NEB: variants seen among roughly 807,000 people sequenced by gnomAD.
NEB encodes the protein nebulin.
NEB carries 512 observed loss-of-function variants against 952.2 expected under a neutral mutation model. That is an observed-to-expected ratio of 0.54 (90% CI 0.50 to 0.58). NEB has a LOEUF of 0.58. Among genes scored for constraint, NEB ranks in the 20% least tolerant of loss-of-function variants. The pLI is 0.00. For missense variants in NEB, 8,428 were observed against 9,231.1 expected, an observed-to-expected ratio of 0.91 and a Z score of 3.56; for synonymous variants, 2,900 against 3,149.8, an observed-to-expected ratio of 0.92 and a Z score of 2.66.
rs1288870299 is a variant in NEB, at chr2:151,679,935, C to CATT, written c.3127_3129dup (p.Asn1043dup). 8 of 1,613,238 alleles carry CATT rather than the reference C, an allele frequency of 5.0e-6. No individual in the cohort carries two copies. The Admixed American group carries it at 6.7e-5, about 13-fold the overall frequency. On this transcript the variant is annotated inframe_insertion, in exon 31 of 182. Transcript: ENST00000397345. Reference sequence around the variant, plus strand: ...CCACGCACCTCACTGATATTGTAGGCATTAACTTTAGCCTGGATGAACTGG... The same window carrying CATT: ...CCACGCACCTCACTGATATTGTAGGCATTATTAACTTTAGCCTGGATGAACTGG...
intron 107 of NEB, among the ~76,000 whole-genome samples, chr2:151,574,846 C>T (rs1201490580): frequency 6.6e-6 from 1 of 152,128 alleles, no homozygotes; most frequent in Non-Finnish European, 1.5e-5. Context: ...ATCCTCCCAC[C>T]TGAGCCTCCC....
intron 161 of NEB, 26 bp from the exon 162 acceptor site, chr2:151,508,135 G>A: frequency 6.6e-7 from 1 of 1,515,652 alleles, no homozygotes; most frequent in Non-Finnish European, 9.1e-7. Flanking sequence ...AAGAAATAAG[G>A]AGGGTAAACA....
In NEB at chr2:151,592,030, T is replaced by G. The variant is rs1431664061; in HGVS notation, c.14826+4A>C. The stretch of plus-strand genomic sequence containing the variant: ...TGAAAAGCAAATGATGTGCGCTGTC[T>G]TACATTGCTGATCTGCAGAGCATTG... On this transcript the variant is annotated splice_donor_region_variant and intron_variant, in intron 95 of 181. Coordinates refer to ENST00000397345, the MANE Select transcript of NEB (RefSeq NM_001164508.2). The G allele has an allele frequency of 6.5e-7, 1 of 1,549,544 alleles. No homozygotes were observed. The highest frequency in any genetic ancestry group is 8.7e-7 in the Non-Finnish European group (1 of 1,146,838).
Position 151,692,078 on chromosome 2 carries a change from A to G in NEB, c.2087T>C (p.Val696Ala), listed in dbSNP as rs558439149. ...EDPYHTHCMK[V>A]AAQNSDKSYK... is the part of the protein sequence containing the mutation. ...ACTTACATCACTGTTTTGAGCTGCAACTTTCATGCAGTGTGTGTGATATGG... is the reference window on the plus strand; with the variant it reads ...ACTTACATCACTGTTTTGAGCTGCAGCTTTCATGCAGTGTGTGTGATATGG... The change falls in exon 22 of 182, where the codon GTT (valine) becomes GCT (alanine). Residue 696 changes from valine to alanine, a missense_variant. Around this residue, in one of 11 missense-constraint regions of NEB, gnomAD observed 2,851 missense variants for 2,791.5 expected, o/e 1.02. Coordinates refer to ENST00000397345, the MANE Select transcript of NEB (RefSeq NM_001164508.2). The G allele has an allele frequency of 1.7e-5, 27 of 1,613,974 alleles. No individual in the cohort carries two copies. Among genetic ancestry groups the G allele is most frequent in the South Asian group, 1.2e-4 (11 of 91,074 alleles).
In NEB at chr2:151,581,548, C is replaced by T; in HGVS notation, c.16219G>A (p.Val5407Met). 1 of 1,173,384 alleles carries T rather than the reference C, an allele frequency of 8.5e-7. No homozygotes were observed. The highest frequency in any genetic ancestry group is 1.2e-6 in the Non-Finnish European group (1 of 835,502). 72.7% of individuals were successfully genotyped at this position (1,173,384 alleles called of 1,614,324 possible). ...AGGGGAGTGTCAGCTGGCACGTTCA[C>T]ATTAGCCTTCTCTTTCTCCCAGGCA... is the stretch of plus-strand genomic sequence containing the variant. ...RDAWEKEKAN[V>M]NVPADTPLML... is the part of the protein sequence containing the mutation. The change falls in exon 103 of 182, where the codon GTG (valine) becomes ATG (methionine). Residue 5407 changes from valine to methionine, a missense_variant. Val to Met is a conservative substitution (Grantham distance 21, BLOSUM62 1). Coordinates refer to ENST00000397345, the MANE Select transcript of NEB (RefSeq NM_001164508.2).
In NEB at chr2:151,687,541, A is replaced by C. The variant is rs1451489406; in HGVS notation, c.2524-9T>G. ...TCTTTCTTGTACATCACCTGCAAAG[A>C]CATCACACATGCCAGATCCCACTCA... On this transcript the variant is annotated splice_polypyrimidine_tract_variant and intron_variant, in intron 26 of 181. Transcript: ENST00000397345. The C allele has an allele frequency of 6.2e-7, 1 of 1,612,860 alleles. No homozygotes were observed.
chr2:151,510,571 T>TAAGA (rs1208507228), intron 161 of NEB, among the ~76,000 whole-genome samples: 1 of 152,226 alleles, frequency 6.6e-6, no homozygotes, highest in African/African-American at 2.4e-5. Context: ...TACATTACAA[T>TAAGA]AAGATATTCT....
At position 151,723,457 on chromosome 2, in the gene NEB, G is replaced by T. The variant is rs373133009; in HGVS notation, c.642C>A (p.Asp214Glu). ...CATTATAGGGGTAAAACAAACTTTT[G>T]TCTGCTTCCCAGTCTTCAGTGTACA... ...KKLYTEDWEA[D>E]KSLFYPYNDS... The change falls in exon 9 of 182, where the codon GAC (aspartate) becomes GAA (glutamate). Residue 214 changes from aspartate to glutamate, a missense_variant. This residue lies in a region of NEB where 2,851 missense variants were observed against 2,791.5 expected (regional missense o/e 1.02). Transcript: ENST00000397345. 81 of 1,609,028 alleles carry T rather than the reference G, an allele frequency of 5.0e-5. No individual in the cohort carries two copies. The highest frequency in any genetic ancestry group is 2.6e-5 in the Non-Finnish European group (31 of 1,177,652).
Position 151,560,629 on chromosome 2 carries a change from A to G in NEB, c.19277T>C (p.Leu6426Pro). The G allele has an allele frequency of 6.2e-7, 1 of 1,612,660 alleles. No individual in the cohort carries two copies. Among genetic ancestry groups the G allele is most frequent in the Non-Finnish European group, 8.5e-7 (1 of 1,179,418 alleles). ...SYILPSSTLS[L>P]THAKNQKHLA... Reference sequence around the variant, plus strand: ...ATGCTTCTGGTTCTTGGCGTGTGTCAGGGACAAGGTGCTGGAAGGCAGGAT... The same window carrying G: ...ATGCTTCTGGTTCTTGGCGTGTGTCGGGGACAAGGTGCTGGAAGGCAGGAT... Residue 6426 changes from leucine to proline, a missense_variant, in exon 124 of 182, where the codon CTG becomes CCG. Around this residue, in one of 11 missense-constraint regions of NEB, gnomAD observed 3,374 missense variants for 3,651.5 expected, o/e 0.92. Transcript: ENST00000397345.
intron 176 of NEB, 93 bp downstream of exon 176, chr2:151,493,260 G>T: frequency 1.0e-6 from 1 of 975,832 alleles, no homozygotes; most frequent in Admixed American, 2.4e-5. Context: ...ATTTTAGTGT[G>T]TTTTTCAGTT....
chr2:151,645,289 C>T (rs760689928), intron 55 of NEB, among the ~76,000 whole-genome samples: 1 of 152,112 alleles, frequency 6.6e-6, no homozygotes, highest in Non-Finnish European at 1.5e-5. Context: ...AAAATCATGC[C>T]TAAGGGGTTA....
At chr2:151,563,750 T>G in intron 118 of NEB, 31 bp from the exon 119 acceptor site, 2 of 1,609,294 alleles carry the variant, frequency 1.2e-6, no homozygotes, top group Non-Finnish European at 1.7e-6. Flanking sequence ...TGAGAATCGC[T>G]GGAGTTTCCT....
chr2:151,546,955 CTAT>C (rs1355111557), intron 133 of NEB, among the ~76,000 whole-genome samples: 1 of 152,042 alleles, frequency 6.6e-6, no homozygotes, highest in Non-Finnish European at 1.5e-5. Flanking sequence ...GAGAACACTG[CTAT>C]TATTTTATTA....
intron 128 of NEB, among the ~76,000 whole-genome samples, chr2:151,552,322 C>G (rs1032659917): frequency 6.6e-6 from 1 of 152,148 alleles, no homozygotes; most frequent in Non-Finnish European, 1.5e-5. Context: ...ACTCTAACTC[C>G]AGAGCCTGCT....
At chr2:151,614,235 G>A (rs758949072) in intron 77 of NEB, 41 bp downstream of exon 77, 1 of 1,592,800 alleles carries the variant, frequency 6.3e-7, no homozygotes, top group Non-Finnish European at 8.6e-7. Flanking sequence ...GAGTTAGAAT[G>A]CTTTTCTAAA....
At chr2:151,500,323 G>GA (rs1308222797) in intron 168 of NEB, among the ~76,000 whole-genome samples, 3 of 151,892 alleles carry the variant, frequency 2.0e-5, no homozygotes, top group South Asian at 4.2e-4. Flanking sequence ...CCACTCCCCA[G>GA]AAAAAAATCC....
chr2:151,553,347 A>G, intron 127 of NEB, 51 bp downstream of exon 127: 2 of 1,402,872 alleles, frequency 1.4e-6, no homozygotes, highest in East Asian at 4.6e-5. Context: ...TCTTAACTCT[A>G]GACTATGGAG....
In NEB at chr2:151,563,595, CAT is replaced by C. The variant is rs756671954; in HGVS notation, c.18693+9_18693+10del. The C allele has an allele frequency of 3.1e-6, 5 of 1,603,930 alleles. No individual in the cohort carries two copies. The highest frequency in any genetic ancestry group is 4.3e-6 in the Non-Finnish European group (5 of 1,170,762). ...GGCACAAATCCCGTGTTAAAGTGGA[CAT>C]TTACTTACCGCACTCCTCATCTTTT... On this transcript the variant is annotated intron_variant, in intron 119 of 181. Transcript: ENST00000397345.
At chr2:151,669,256 T>C in intron 38 of NEB, 125 bp from the exon 39 acceptor site, 4 of 675,300 alleles carry the variant, frequency 5.9e-6, no homozygotes, top group Non-Finnish European at 1.0e-5. Flanking sequence ...AAATACCTAC[T>C]CTGTCATAAG....
Sources: allele counts gnomAD v4.1 joint callset (sites outside exome capture counted in the v4.1 genomes callset), GRCh38; gene constraint gnomAD v4.1.1; regional missense constraint gnomAD v4.1.1; transcripts MANE v1.5; gene names NCBI Gene and HGNC (gene_info 2026-07-23, HGNC 2026-07-21).